Variants in SUGCT observed in about 807,000 individuals in gnomAD.
The protein encoded by SUGCT is succinyl-CoA:glutarate-CoA transferase.
A neutral mutation model predicts 55.0 loss-of-function variants in SUGCT; 41 were observed. The ratio of observed to expected loss-of-function variants is 0.74; its 90% CI spans 0.58 to 0.97. The LOEUF (loss-of-function observed/expected upper bound fraction) is 0.97. Ranked by LOEUF, SUGCT falls within the 50% of genes least tolerant of loss-of-function variation. The pLI is 0.00. For synonymous variants in SUGCT, 187 were observed against 200.4 expected, an observed-to-expected ratio of 0.93 and a Z score of 0.56; for missense variants, 568 against 547.8, an observed-to-expected ratio of 1.04 and a Z score of -0.37.
At chr7:40,484,627 T>C (rs1047314574) in intron 11 of SUGCT, among the ~76,000 whole-genome samples, 1 of 152,194 alleles carries the variant, frequency 6.6e-6, no homozygotes, top group African/African-American at 2.4e-5. Context: ...CATTGCCCTA[T>C]CTACTTCTCT....
chr7:40,954,950 A>G, the SUGCT span, among the ~76,000 whole-genome samples: 1 of 152,044 alleles, frequency 6.6e-6, no homozygotes, highest in Non-Finnish European at 1.5e-5. Flanking sequence ...ATGATTGTAG[A>G]TGTGTGACAT....
the SUGCT span, among the ~76,000 whole-genome samples, chr7:40,952,733 G>T: frequency 4.2e-4 from 64 of 152,282 alleles, no homozygotes; most frequent in East Asian, 0.011. Context: ...GGCTGGATAT[G>T]AAATTCTGGA....
chr7:41,001,932 C>T, the SUGCT span, among the ~76,000 whole-genome samples: 1,486 of 152,286 alleles, frequency 9.8e-3, 17 homozygotes, highest in African/African-American at 0.031. Flanking sequence ...GATGATTTAG[C>T]CAAGGCAGGA....
the SUGCT span, among the ~76,000 whole-genome samples, chr7:40,916,396 G>A: frequency 6.6e-6 from 1 of 152,092 alleles, no homozygotes; most frequent in Non-Finnish European, 1.5e-5. Flanking sequence ...CCCAGGATGT[G>A]GACCATGTTA....
chr7:40,814,228 A>G (rs748081684), intron 13 of SUGCT, among the ~76,000 whole-genome samples: 2 of 152,022 alleles, frequency 1.3e-5, no homozygotes, highest in Non-Finnish European at 2.9e-5. Flanking sequence ...GATTTCTTGT[A>G]TCTGGATGTG....
At chr7:40,301,025 G>C (rs1235094852) in intron 8 of SUGCT, among the ~76,000 whole-genome samples, 1 of 152,210 alleles carries the variant, frequency 6.6e-6, no homozygotes, top group East Asian at 1.9e-4. Flanking sequence ...ACTCATGTTT[G>C]AAGTAAGTCT....
At chr7:40,194,470 T>G (rs901826832) in intron 5 of SUGCT, among the ~76,000 whole-genome samples, 4 of 152,144 alleles carry the variant, frequency 2.6e-5, no homozygotes, top group African/African-American at 7.2e-5. Context: ...CAGGCTGGTC[T>G]TGAACTCCTG....
intron 12 of SUGCT, among the ~76,000 whole-genome samples, chr7:40,607,167 C>A (rs978531850): frequency 6.7e-6 from 1 of 150,338 alleles, no homozygotes; most frequent in Non-Finnish European, 1.5e-5. Flanking sequence ...TGCAGTGATA[C>A]AATTATAGCT....
At chr7:40,912,771 C>CA in the SUGCT span, among the ~76,000 whole-genome samples, 640 of 111,804 alleles carry the variant, frequency 5.7e-3, 4 homozygotes, top group Non-Finnish European at 8.9e-3. Context: ...TAAACGTTTC[C>CA]AAAAAAAAAA....
the SUGCT span, among the ~76,000 whole-genome samples, chr7:40,917,065 C>A: frequency 1.3e-5 from 2 of 152,196 alleles, no homozygotes; most frequent in Non-Finnish European, 2.9e-5. Context: ...CAGCAATAAG[C>A]TATTATTCAA....
the SUGCT span, among the ~76,000 whole-genome samples, chr7:41,024,999 C>T: frequency 2.0e-5 from 3 of 152,158 alleles, no homozygotes; most frequent in Non-Finnish European, 4.4e-5. Flanking sequence ...CCTAAATCTA[C>T]ATGTATCAAC....
intron 12 of SUGCT, among the ~76,000 whole-genome samples, chr7:40,675,763 A>T (rs1159326820): frequency 2.0e-5 from 3 of 152,222 alleles, no homozygotes; most frequent in Non-Finnish European, 4.4e-5. Flanking sequence ...GAGCAGTAAG[A>T]GTTCGGAGAC....
intron 9 of SUGCT, among the ~76,000 whole-genome samples, chr7:40,348,387 C>T (rs571524428): frequency 6.6e-6 from 1 of 152,332 alleles, no homozygotes; most frequent in African/African-American, 2.4e-5. Flanking sequence ...GCAGCTTGGG[C>T]TAACACCTCT....
chr7:40,861,738 C>A (rs1016415922), downstream of SUGCT, among the ~76,000 whole-genome samples: 1 of 152,222 alleles, frequency 6.6e-6, no homozygotes, highest in Non-Finnish European at 1.5e-5. Context: ...TGTCTTCTCA[C>A]AAGGTCTTGT....
chr7:40,891,673 T>C, the SUGCT span, among the ~76,000 whole-genome samples: 2 of 152,044 alleles, frequency 1.3e-5, no homozygotes, highest in South Asian at 2.1e-4. Flanking sequence ...TAAAGAGAGT[T>C]TGAGTTGAAA....
chr7:40,719,953 G>A (rs990034330), intron 12 of SUGCT, among the ~76,000 whole-genome samples: 4 of 151,954 alleles, frequency 2.6e-5, no homozygotes, highest in Admixed American at 6.6e-5. Context: ...CTGCCACTAC[G>A]CCCGGCTAAT....
At chr7:40,207,646 G>T (rs1787053348) in intron 6 of SUGCT, among the ~76,000 whole-genome samples, 1 of 152,036 alleles carries the variant, frequency 6.6e-6, no homozygotes. Context: ...GTGAAATCCT[G>T]TCTCTACCAA....
intron 13 of SUGCT, chr7:40,775,644 GACATA>G (rs1447945873): frequency 6.6e-6 from 1 of 152,196 alleles, no homozygotes; most frequent in African/African-American, 2.4e-5. Context: ...GTTTTAGATG[GACATA>G]CCTTATGCCT....
chr7:40,288,085 G>A (rs1348898854), intron 8 of SUGCT, among the ~76,000 whole-genome samples: 1 of 152,036 alleles, frequency 6.6e-6, no homozygotes, highest in African/African-American at 2.4e-5. Context: ...ATGCTAGTAT[G>A]TTGCTGAGGA....
Sources: gnomAD v4.1 joint callset for allele counts (sites outside exome capture counted in the v4.1 genomes callset) on GRCh38, gnomAD v4.1.1 for gene constraint, MANE v1.5 for transcripts, NCBI Gene and HGNC (gene_info 2026-07-23, HGNC 2026-07-21) for gene names.